Variants in PDZRN4 observed in about 807,000 individuals in gnomAD.
PDZRN4 encodes PDZ domain-containing RING finger protein 4.
A neutral mutation model predicts 99.0 loss-of-function variants in PDZRN4; 70 were observed. The observed-to-expected ratio is 0.71, with a 90% CI of 0.58 to 0.86. The LOEUF (loss-of-function observed/expected upper bound fraction) is 0.86. Among genes scored for constraint, PDZRN4 ranks in the 40% least tolerant of loss-of-function variants. The pLI, the probability that PDZRN4 is intolerant of heterozygous loss-of-function variation, is 0.00. For missense variants in PDZRN4, 1,474 were observed against 1,331.2 expected (o/e 1.11, Z -1.67); for synonymous variants, 551 against 501.6 (o/e 1.10, Z -1.32).
chr12:41,446,850 ATTTT>A (rs36011837), intron 3 of PDZRN4, among the ~76,000 whole-genome samples: 6 of 139,008 alleles, frequency 4.3e-5, no homozygotes, highest in African/African-American at 8.0e-5. Context: ...ACCAAGGGCA[ATTTT>A]TTTTTTTTTT....
chr12:41,204,388 A>C (rs1176137683), intron 3 of PDZRN4, among the ~76,000 whole-genome samples: 1 of 152,026 alleles, frequency 6.6e-6, no homozygotes, highest in Non-Finnish European at 1.5e-5. Flanking sequence ...AGGGTGTTCA[A>C]GCATTGTTTT....
chr12:41,352,397 G>T (rs1228155681), intron 3 of PDZRN4, among the ~76,000 whole-genome samples: 1 of 152,104 alleles, frequency 6.6e-6, no homozygotes, highest in East Asian at 1.9e-4. Flanking sequence ...AGTAGTGGGT[G>T]ATTTATTTGG....
At chr12:41,430,899 A>G (rs534140421) in intron 3 of PDZRN4, among the ~76,000 whole-genome samples, 41 of 152,304 alleles carry the variant, frequency 2.7e-4, no homozygotes, top group African/African-American at 9.1e-4. Context: ...GGAACTTTCA[A>G]TCATGACTGA....
At chr12:41,343,050 G>A (rs192564257) in intron 3 of PDZRN4, among the ~76,000 whole-genome samples, 1 of 151,888 alleles carries the variant, frequency 6.6e-6, no homozygotes, top group South Asian at 2.1e-4. Context: ...CCATGAAAAA[G>A]AATAAAATAC....
intron 3 of PDZRN4, among the ~76,000 whole-genome samples, chr12:41,297,747 G>A (rs983702072): frequency 1.3e-5 from 2 of 152,104 alleles, no homozygotes; most frequent in African/African-American, 4.8e-5. Context: ...TCTATAACTT[G>A]TGCCCTAAGC....
chr12:41,308,161 A>T (rs927336683), intron 3 of PDZRN4, among the ~76,000 whole-genome samples: 1 of 152,058 alleles, frequency 6.6e-6, no homozygotes, highest in Non-Finnish European at 1.5e-5. Context: ...AGCTATTAAC[A>T]TTTTTCCCTT....
chr12:41,292,528 C>A (rs1201162913), intron 3 of PDZRN4, among the ~76,000 whole-genome samples: 2 of 152,102 alleles, frequency 1.3e-5, no homozygotes, highest in African/African-American at 2.4e-5. Flanking sequence ...ATTTCAGGAC[C>A]CCCCTTTGAC....
intron 3 of PDZRN4, among the ~76,000 whole-genome samples, chr12:41,235,374 T>A (rs1452796643): frequency 6.6e-6 from 1 of 152,072 alleles, no homozygotes; most frequent in Admixed American, 6.6e-5. Context: ...GGGTTTAAAG[T>A]TTAGCTTTTC....
intron 5 of PDZRN4, among the ~76,000 whole-genome samples, chr12:41,540,980 A>G (rs1938842802): frequency 6.6e-6 from 1 of 151,912 alleles, no homozygotes; most frequent in Admixed American, 6.6e-5. Flanking sequence ...CCTGGAGTGC[A>G]GTGGTGTGAT....
At chr12:41,438,023 G>A in intron 3 of PDZRN4, 1 of 1,613,718 alleles carries the variant, frequency 6.2e-7, no homozygotes, top group Non-Finnish European at 8.5e-7. Context: ...GGTGAGTGCA[G>A]GGTCTGATAC....
chr12:41,235,873 C>G (rs578030547), intron 3 of PDZRN4, among the ~76,000 whole-genome samples: 3 of 152,214 alleles, frequency 2.0e-5, no homozygotes, highest in Non-Finnish European at 4.4e-5. Context: ...ATCAGCATTA[C>G]GTAATTTCAT....
intron 3 of PDZRN4, among the ~76,000 whole-genome samples, chr12:41,368,744 T>G (rs1592030608): frequency 6.6e-6 from 1 of 152,120 alleles, no homozygotes; most frequent in African/African-American, 2.4e-5. Context: ...AAGGAATGTT[T>G]AGATCTGTAT....
At chr12:41,343,550 G>T (rs1367321489) in intron 3 of PDZRN4, among the ~76,000 whole-genome samples, 1 of 151,906 alleles carries the variant, frequency 6.6e-6, no homozygotes, top group Non-Finnish European at 1.5e-5. Flanking sequence ...TGGAAGAAGA[G>T]AATAAAGCAG....
intron 3 of PDZRN4, among the ~76,000 whole-genome samples, chr12:41,249,374 T>C (rs1312595162): frequency 6.6e-6 from 1 of 152,216 alleles, no homozygotes; most frequent in Non-Finnish European, 1.5e-5. Flanking sequence ...GTACAGATTG[T>C]ATACAGCATG....
At chr12:41,211,408 C>T (rs1318987911) in intron 3 of PDZRN4, among the ~76,000 whole-genome samples, 2 of 151,886 alleles carry the variant, frequency 1.3e-5, no homozygotes, top group Admixed American at 6.6e-5. Flanking sequence ...TATACTTGCC[C>T]ATTACTTTTA....
At chr12:41,277,522 C>T (rs531792576) in intron 3 of PDZRN4, among the ~76,000 whole-genome samples, 5 of 152,244 alleles carry the variant, frequency 3.3e-5, no homozygotes, top group African/African-American at 9.6e-5. Flanking sequence ...AACAGATGGC[C>T]GGCCTTCTTA....
intron 3 of PDZRN4, among the ~76,000 whole-genome samples, chr12:41,497,005 G>T (rs532244464): frequency 5.6e-4 from 86 of 152,264 alleles, no homozygotes; most frequent in African/African-American, 1.9e-3. Context: ...ACGCCCTGTT[G>T]TTGTAATTCA....
chr12:41,419,247 C>T (rs777927083), intron 3 of PDZRN4, among the ~76,000 whole-genome samples: 1 of 152,162 alleles, frequency 6.6e-6, no homozygotes. Flanking sequence ...GGTTGGACAA[C>T]AAAGTCCTTG....
intron 3 of PDZRN4, among the ~76,000 whole-genome samples, chr12:41,382,046 T>G (rs1031184355): frequency 1.3e-5 from 2 of 152,142 alleles, no homozygotes; most frequent in Non-Finnish European, 2.9e-5. Context: ...GGATGAGCTC[T>G]GCATTCAGGC....
Sources: allele counts gnomAD v4.1 joint callset (sites outside exome capture counted in the v4.1 genomes callset), GRCh38; gene constraint gnomAD v4.1.1; transcripts MANE v1.5; gene names NCBI Gene and HGNC (gene_info 2026-07-23, HGNC 2026-07-21).